The following ABCC5 variants were observed in gnomAD, a reference collection of about 807,000 sequenced individuals.
ABCC5 encodes the protein ATP-binding cassette sub-family C member 5.
Under a neutral mutation model 160.9 loss-of-function variants are expected in ABCC5, and 61 were observed. The observed-to-expected ratio is 0.38, with a 90% CI of 0.31 to 0.47. The LOEUF (loss-of-function observed/expected upper bound fraction) is 0.47, where lower values mean the gene tolerates loss of function less well. Ranked by LOEUF, ABCC5 falls within the 20% of genes least tolerant of loss-of-function variation. The pLI is 0.99. For synonymous variants in ABCC5, 666 were observed against 700.6 expected (o/e 0.95, Z 0.78); for missense variants, 1,308 against 1,813.3 (o/e 0.72, Z 5.06).
rs533806676 is a variant in ABCC5 at position 183,987,283 on chromosome 3, G to A, written c.591+487C>T. On this transcript the variant is annotated intron_variant, in intron 5 of 29. Transcript: ENST00000334444. The surrounding 1 kb of genome is among the most constrained non-coding windows in gnomAD (Gnocchi z 4.2). ...GTCACACTATAAGCCAAACTTAAAC[G>A]GACTCCAGGTCAGACTCTAAAATCC... 5 of 226,086 alleles carry A rather than the reference G, an allele frequency of 2.2e-5. No homozygotes were observed. In the Admixed American group the frequency reaches 2.6e-4, roughly 12 times the overall value. The allele number at this position is 226,086 out of a possible 1,614,324, so 14.0% of individuals were successfully genotyped here.
At chr3:183,999,669 C>T (rs1365074624) in intron 2 of ABCC5, among the ~76,000 whole-genome samples, 1 of 152,028 alleles carries the variant, frequency 6.6e-6, no homozygotes, top group Non-Finnish European at 1.5e-5. Flanking sequence ...GGTCCAGCTA[C>T]CTGAGAGGCT....
At chr3:183,944,247 A>G (rs1714632012) in intron 24 of ABCC5, among the ~76,000 whole-genome samples, 1 of 152,020 alleles carries the variant, frequency 6.6e-6, no homozygotes. Context: ...TACAAAAATG[A>G]GCTGGGCCTA....
At chr3:183,957,312 A>C (rs1716158454) in intron 17 of ABCC5, among the ~76,000 whole-genome samples, 1 of 110,194 alleles carries the variant, frequency 9.1e-6, no homozygotes. Context: ...CCGTGTGTAA[A>C]TCACATCGGT....
chr3:183,984,885 CA>C, intron 5 of ABCC5: 3 of 1,575,746 alleles, frequency 1.9e-6, no homozygotes, highest in Middle Eastern at 1.7e-4. Context: ...GAGCAGTCTC[CA>C]AAGGAAGGCT....
chr3:183,949,590 CA>C lies in ABCC5; in HGVS notation c.3227+162del, dbSNP rs1715157036. On this transcript the variant is annotated intron_variant, in intron 22 of 29. Transcript: ENST00000334444. This position sits in a 1 kb window ranked among gnomAD's most constrained non-coding sequence, Gnocchi z 4.2. Reference sequence around the variant, plus strand: ...TCACTTGCTCAGAAAGGAGTCCCGCCAAGCAATTGGATTTTAATCAGAGATT... The same window carrying C: ...TCACTTGCTCAGAAAGGAGTCCCGCCAGCAATTGGATTTTAATCAGAGATT... Among the ~76,000 whole-genome samples, 1 of 152,258 alleles carries C rather than the reference CA, an allele frequency of 6.6e-6. No individual in the cohort carries two copies. The highest frequency in any genetic ancestry group is 1.5e-5 in the Non-Finnish European group (1 of 68,044).
chr3:183,940,181 G>T (rs1444239122), intron 25 of ABCC5, among the ~76,000 whole-genome samples: 3 of 152,026 alleles, frequency 2.0e-5, no homozygotes, highest in Non-Finnish European at 2.9e-5. Context: ...CGTCTAGCAG[G>T]ATAGTTCTCC....
At position 183,982,392 on chromosome 3, in the gene ABCC5, T is replaced by C; in HGVS notation, c.999+59A>G. On this transcript the variant is annotated intron_variant, in intron 7 of 29. Coordinates refer to ENST00000334444, the MANE Select transcript of ABCC5 (RefSeq NM_005688.4). The surrounding 1 kb of genome is among the most constrained non-coding windows in gnomAD (Gnocchi z 5.2). The stretch of plus-strand genomic sequence containing the variant: ...CTCAGCAATGCCTACTATAACCCAA[T>C]GGAAGTAACTCATCTCCTAAGGAGA... 1.3e-6 allele frequency: 2 copies of C among 1,563,970 alleles called. No individual in the cohort carries two copies. The highest frequency in any genetic ancestry group is 1.7e-6 in the Non-Finnish European group (2 of 1,152,284).
At position 183,953,195 on chromosome 3, in the gene ABCC5, G is replaced by A; in HGVS notation, c.2558C>T (p.Ala853Val). The A allele has an allele frequency of 1.9e-6, 3 of 1,614,156 alleles. No homozygotes were observed. Among genetic ancestry groups the A allele is most frequent in the South Asian group, 1.1e-5 (1 of 91,086 alleles). Residue 853 changes from alanine (A) to valine (V), a missense_variant, in exon 18 of 30, where the codon GCT becomes GTT. This residue lies in a region of ABCC5 where 1,142 missense variants were observed against 1,527.1 expected (regional missense o/e 0.75). Coordinates refer to ENST00000334444, the MANE Select transcript of ABCC5 (RefSeq NM_005688.4). ...AACCAGGAATGCCAAGGGGCCCCCA[G>A]CAGCCTGGATGTAGACACCATATAC... ...WSVYGVYIQA[A>V]GGPLAFLVIM...
At chr3:183,957,614 A>T (rs1231054203) in intron 17 of ABCC5, among the ~76,000 whole-genome samples, 1 of 151,904 alleles carries the variant, frequency 6.6e-6, no homozygotes, top group Admixed American at 6.5e-5. Flanking sequence ...CATCGGTTAC[A>T]TGCAGATCCA....
At chr3:183,952,101 G>T in intron 18 of ABCC5, 98 bp from the exon 19 acceptor site, 1 of 1,265,476 alleles carries the variant, frequency 7.9e-7, no homozygotes, top group Non-Finnish European at 1.1e-6. Context: ...CAGGGTACAG[G>T]ATAATGACCC....
intron 26 of ABCC5, among the ~76,000 whole-genome samples, chr3:183,932,919 C>T (rs561085625): frequency 9.9e-4 from 150 of 152,214 alleles, no homozygotes; most frequent in African/African-American, 3.5e-3. Flanking sequence ...AATCCCAGCA[C>T]TTTGGAAGGC....
At chr3:184,016,863 C>T (rs1458036626) in intron 1 of ABCC5, among the ~76,000 whole-genome samples, 1 of 152,210 alleles carries the variant, frequency 6.6e-6, no homozygotes, top group Non-Finnish European at 1.5e-5. Flanking sequence ...GATTCAACTG[C>T]ATGGCAGGAG....
intron 2 of ABCC5, chr3:184,009,981 C>CA (rs1472724482): frequency 1.6e-5 from 7 of 428,348 alleles, no homozygotes; most frequent in East Asian, 7.3e-5. Flanking sequence ...AGTGCCTCTA[C>CA]AAAAAAACAA....
In ABCC5 at chr3:183,982,858, A is replaced by T. The variant is rs778433416; in HGVS notation, c.741T>A (p.Gly247=). 6.2e-7 allele frequency: 1 copy of T among 1,614,216 alleles called. No individual in the cohort carries two copies. Among genetic ancestry groups the T allele is most frequent in the Admixed American group, 1.7e-5 (1 of 60,026 alleles). The change falls in exon 6 of 30, where the codon GGT becomes GGA. Residue 247 remains glycine, a synonymous_variant. Coordinates refer to ENST00000334444, the MANE Select transcript of ABCC5 (RefSeq NM_005688.4). The surrounding 1 kb of genome is among the most constrained non-coding windows in gnomAD (Gnocchi z 5.2). ...TTAGGATGGCCCCCCGCAAGCGGAC[A>T]CCGGTTCGGTAATTCAATGCCCAAG... ...ALTWALNYRT[G]VRLRGAILTM... is the part of the protein sequence containing the mutation.
Position 183,987,537 on chromosome 3 carries a change from C to T in ABCC5, c.591+233G>A, listed in dbSNP as rs2108865150. 1 of 632,812 alleles carries T rather than the reference C, an allele frequency of 1.6e-6. No homozygotes were observed. Among genetic ancestry groups the T allele is most frequent in the Middle Eastern group, 2.5e-4 (1 of 3,932 alleles). The allele number at this position is 632,812 out of a possible 1,614,324, so 39.2% of individuals were successfully genotyped here. On this transcript the variant is annotated intron_variant, in intron 5 of 29. Coordinates refer to ENST00000334444, the MANE Select transcript of ABCC5 (RefSeq NM_005688.4). The surrounding 1 kb of genome is among the most constrained non-coding windows in gnomAD (Gnocchi z 4.2). Reference sequence around the variant, plus strand: ...TCCTGTGCAGAACTGGAGTCAGTTCCATTTCACCCCCACCCAGAAATCAAG... The same window carrying T: ...TCCTGTGCAGAACTGGAGTCAGTTCTATTTCACCCCCACCCAGAAATCAAG...
rs1719446726 is a variant in ABCC5 at position 183,988,675 on chromosome 3, A to G, written c.340T>C (p.Trp114Arg). The change falls in exon 4 of 30, where the codon TGG (tryptophan) becomes CGG (arginine). Residue 114 changes from tryptophan (W) to arginine (R), a missense_variant. Physicochemically the swap from Trp to Arg is moderately radical, Grantham distance 101. Coordinates refer to ENST00000334444, the MANE Select transcript of ABCC5 (RefSeq NM_005688.4). The surrounding 1 kb of genome is among the most constrained non-coding windows in gnomAD (Gnocchi z 4.4). ...AGLFSCMTFS[W>R]LSSLARVAHK... ...GCCACACGGGCCAGAGAAGAAAGCCACGAAAAAGTCATACAGGAAAAAAGC... is the reference window on the plus strand; with the variant it reads ...GCCACACGGGCCAGAGAAGAAAGCCGCGAAAAAGTCATACAGGAAAAAAGC... The G allele has an allele frequency of 6.2e-7, 1 of 1,614,134 alleles. No homozygotes were observed.
chr3:183,975,853 C>T (rs1024458725), intron 10 of ABCC5, among the ~76,000 whole-genome samples: 1 of 152,010 alleles, frequency 6.6e-6, no homozygotes, highest in Non-Finnish European at 1.5e-5. Flanking sequence ...CCTGCTAATC[C>T]AAGTCCTCAC....
At chr3:183,962,855 T>C (rs1041386305) in intron 15 of ABCC5, among the ~76,000 whole-genome samples, 2 of 152,182 alleles carry the variant, frequency 1.3e-5, no homozygotes, top group South Asian at 2.1e-4. Context: ...AATCTGCTGA[T>C]GGAGCCACAT....
At position 183,924,871 on chromosome 3, in the gene ABCC5, G is replaced by C. The variant is rs113699660; in HGVS notation, c.4212+684C>G. ...GCATCTGGGCCATGTCATTCTTCAG[G>C]GACAGGCAGGTTGAGAGCAGGTGGA... On this transcript the variant is annotated intron_variant, in intron 29 of 29. Transcript: ENST00000334444. 6.3e-3 allele frequency among the ~76,000 whole-genome samples: 954 copies of C among 152,290 alleles called. 11 individuals carry two copies. The highest frequency in any genetic ancestry group is 0.022 in the African/African-American group (907 of 41,566).
Sources: gnomAD v4.1 joint callset for allele counts (sites outside exome capture counted in the v4.1 genomes callset) on GRCh38, gnomAD v4.1.1 for gene constraint, gnomAD v4.1.1 regional missense constraint, Gnocchi (gnomAD v3.1) non-coding constraint, MANE v1.5 for transcripts, NCBI Gene and HGNC (gene_info 2026-07-23, HGNC 2026-07-21) for gene names.